Variants in PLEKHA5 observed in about 807,000 individuals in gnomAD.
The protein encoded by PLEKHA5 is pleckstrin homology domain containing A5.
PLEKHA5 carries 55 observed loss-of-function variants against 181.9 expected under a neutral mutation model. The observed-to-expected ratio is 0.30, with a 90% CI of 0.24 to 0.38. PLEKHA5 has a LOEUF of 0.38. Ranked by LOEUF, PLEKHA5 falls within the 10% of genes least tolerant of loss-of-function variation. The pLI is 1.00. For missense variants in PLEKHA5, 1,432 were observed against 1,549.5 expected (o/e 0.92, Z 1.27); for synonymous variants, 535 against 529.4 (o/e 1.01, Z -0.15).
At chr12:19,317,098 G>A (rs1225721981) in intron 16 of PLEKHA5, among the ~76,000 whole-genome samples, 1 of 152,092 alleles carries the variant, frequency 6.6e-6, no homozygotes, top group African/African-American at 2.4e-5. Flanking sequence ...TTGTCGAGGT[G>A]GCTTATGCCT....
chr12:19,209,149 C>G (rs369474802), intron 3 of PLEKHA5, among the ~76,000 whole-genome samples: 1 of 152,100 alleles, frequency 6.6e-6, no homozygotes, highest in Non-Finnish European at 1.5e-5. Flanking sequence ...TTGAAAAGAA[C>G]TCCTATCAGA....
At chr12:19,163,993 A>C (rs1002122319) in intron 3 of PLEKHA5, among the ~76,000 whole-genome samples, 3 of 152,068 alleles carry the variant, frequency 2.0e-5, no homozygotes, top group Non-Finnish European at 4.4e-5. Flanking sequence ...CTTCTCTCTC[A>C]AGAAATTTTT....
At chr12:19,242,852 A>T (rs536385847) in intron 3 of PLEKHA5, among the ~76,000 whole-genome samples, 1 of 152,088 alleles carries the variant, frequency 6.6e-6, no homozygotes, top group African/African-American at 2.4e-5. Context: ...TATTATTTGT[A>T]TTTAAATTCT....
chr12:19,186,604 T>G lies in PLEKHA5; in HGVS notation c.227+54154T>G, dbSNP rs563761321. On this transcript the variant is annotated intron_variant, in intron 3 of 31. Coordinates refer to ENST00000429027, the MANE Select transcript of PLEKHA5 (RefSeq NM_001256470.2). ...AAGAAATGGAGTAAGAGTAAAAAGT[T>G]TAGATTGAAATTGAGTCCAGTCTAC... 5.3e-5 allele frequency among the ~76,000 whole-genome samples: 8 copies of G among 152,322 alleles called. No homozygotes were observed. In the East Asian group the frequency reaches 1.5e-3, roughly 29 times the overall value.
At chr12:19,330,382 G>A (rs564108678) in intron 20 of PLEKHA5, among the ~76,000 whole-genome samples, 1 of 152,018 alleles carries the variant, frequency 6.6e-6, no homozygotes, top group Non-Finnish European at 1.5e-5. Flanking sequence ...GTTTGAGTTG[G>A]TGCCCTTTTA....
In PLEKHA5 at chr12:19,265,751, TGAGAAAGAA is replaced by T. The variant is rs749174072; in HGVS notation, c.616_624del (p.Lys206_Glu208del). On this transcript the variant is annotated inframe_deletion and splice_region_variant, in exon 8 of 32. Coordinates refer to ENST00000429027, the MANE Select transcript of PLEKHA5 (RefSeq NM_001256470.2). ...ATCAGATGTTAAATTATCTCTTAGATGAGAAAGAAGAGGGTATCCTGGGAAGCATACTGT... is the reference window on the plus strand; with the variant it reads ...ATCAGATGTTAAATTATCTCTTAGATGAGGGTATCCTGGGAAGCATACTGT... 1 of 1,512,638 alleles carries T rather than the reference TGAGAAAGAA, an allele frequency of 6.6e-7. No homozygotes were observed. The highest frequency in any genetic ancestry group is 9.1e-7 in the Non-Finnish European group (1 of 1,094,794). The allele number at this position is 1,512,638 out of a possible 1,614,324, so 93.7% of individuals were successfully genotyped here. A position where few individuals can be genotyped will look rare whatever the true frequency, so the allele number is the denominator to read the frequency against.
intron 7 of PLEKHA5, among the ~76,000 whole-genome samples, chr12:19,264,941 C>T (rs547321288): frequency 6.6e-6 from 1 of 152,276 alleles, no homozygotes; most frequent in African/African-American, 2.4e-5. Flanking sequence ...ATAAACATCT[C>T]TGCCCCCAAG....
At chr12:19,153,887 G>A (rs2041062476) in intron 3 of PLEKHA5, 2 of 152,200 alleles carry the variant, frequency 1.3e-5, no homozygotes, top group Admixed American at 6.5e-5. Flanking sequence ...CAGAAAATGA[G>A]TTGGAAGGTG....
intron 11 of PLEKHA5, among the ~76,000 whole-genome samples, chr12:19,278,158 T>C (rs1293541333): frequency 6.6e-6 from 1 of 152,212 alleles, no homozygotes; most frequent in Non-Finnish European, 1.5e-5. Context: ...TAATTTTTAA[T>C]TAAAATTCCC....
At chr12:19,332,955 C>G (rs114512012) in intron 20 of PLEKHA5, among the ~76,000 whole-genome samples, 6,178 of 152,250 alleles carry the variant, frequency 0.041, 137 homozygotes, top group South Asian at 0.058. Flanking sequence ...TGCACTCAGT[C>G]TTGAACTTTA....
chr12:19,327,160 T>C (rs576252927), intron 20 of PLEKHA5, among the ~76,000 whole-genome samples: 23 of 152,314 alleles, frequency 1.5e-4, no homozygotes, highest in Admixed American at 1.3e-3. Context: ...TCCAAACTGC[T>C]GTCCATAGTG....
intron 20 of PLEKHA5, among the ~76,000 whole-genome samples, chr12:19,333,610 C>CTTT (rs372554935): frequency 1.5e-4 from 20 of 129,082 alleles, no homozygotes; most frequent in East Asian, 2.4e-4. Flanking sequence ...CATTCATTCT[C>CTTT]TTTTTTTTTT....
chr12:19,257,937 G>C (rs1390771769), intron 6 of PLEKHA5, among the ~76,000 whole-genome samples: 2 of 151,706 alleles, frequency 1.3e-5, no homozygotes. Flanking sequence ...ATATACAGTT[G>C]TATATTTCCC....
intron 3 of PLEKHA5, among the ~76,000 whole-genome samples, chr12:19,157,707 C>A (rs2042077685): frequency 6.6e-6 from 1 of 152,122 alleles, no homozygotes; most frequent in Non-Finnish European, 1.5e-5. Flanking sequence ...ACCATTTAAT[C>A]TTGCAAATGA....
intron 3 of PLEKHA5, among the ~76,000 whole-genome samples, chr12:19,184,928 T>TC (rs2049472813): frequency 6.6e-6 from 1 of 152,120 alleles, no homozygotes; most frequent in Non-Finnish European, 1.5e-5. Flanking sequence ...AAACAGTACT[T>TC]CAAGAAGTGA....
chr12:19,144,179 T>C (rs986149769), intron 3 of PLEKHA5, among the ~76,000 whole-genome samples: 1 of 152,210 alleles, frequency 6.6e-6, no homozygotes, highest in Non-Finnish European at 1.5e-5. Flanking sequence ...TTACTAGAGA[T>C]TCAGATGGTT....
intron 20 of PLEKHA5, among the ~76,000 whole-genome samples, chr12:19,332,971 A>G (rs984069469): frequency 1.2e-4 from 18 of 152,182 alleles, no homozygotes; most frequent in African/African-American, 4.3e-4. Context: ...CTTTATGTGA[A>G]GTGTAACCAT....
chr12:19,360,239 G>A (rs2095160054), intron 28 of PLEKHA5, among the ~76,000 whole-genome samples: 1 of 151,794 alleles, frequency 6.6e-6, no homozygotes, highest in South Asian at 2.1e-4. Flanking sequence ...AAGCTGAGGT[G>A]GGAGGATCAC....
chr12:19,355,551 GTC>G (rs2094882171), intron 26 of PLEKHA5, among the ~76,000 whole-genome samples: 1 of 151,206 alleles, frequency 6.6e-6, no homozygotes, highest in Non-Finnish European at 1.5e-5. Context: ...TAGTGACGGG[GTC>G]TCTCTCTGTT....
Sources: allele counts gnomAD v4.1 joint callset (sites outside exome capture counted in the v4.1 genomes callset), GRCh38; gene constraint gnomAD v4.1.1; transcripts MANE v1.5; gene names NCBI Gene and HGNC (gene_info 2026-07-23, HGNC 2026-07-21).